Variants in ADK observed in about 807,000 individuals in gnomAD.
The protein encoded by ADK is N6,N6-dimethyladenosine kinase.
In ADK, 24 loss-of-function variants were observed where a neutral mutation model predicts 44.7. That is an observed-to-expected ratio of 0.54 (90% CI 0.39 to 0.76). ADK has a LOEUF of 0.76. ADK is among the 30% of genes least tolerant of loss of function. ADK has a pLI of 0.00. For synonymous variants in ADK, 128 were observed against 142.6 expected (o/e 0.90, Z 0.73); for missense variants, 321 against 425.1 (o/e 0.76, Z 2.15).
intron 2 of ADK, among the ~76,000 whole-genome samples, chr10:74,205,590 CG>C (rs1189570121): frequency 6.9e-6 from 1 of 144,918 alleles, no homozygotes; most frequent in Non-Finnish European, 1.5e-5. Context: ...GCAGGAGAAT[CG>C]GGTGAACCTG....
intron 6 of ADK, among the ~76,000 whole-genome samples, chr10:74,411,926 C>T (rs1844193979): frequency 6.6e-6 from 1 of 152,196 alleles, no homozygotes; most frequent in Non-Finnish European, 1.5e-5. Context: ...GAGTAGATTC[C>T]ATGTCAAGAA....
chr10:74,300,284 TTCCTTCCTTC>T (rs1196605632), intron 3 of ADK, among the ~76,000 whole-genome samples: 3 of 76,538 alleles, frequency 3.9e-5, no homozygotes, highest in African/African-American at 1.6e-4. Flanking sequence ...CCTTCCTTCC[TTCCTTCCTTC>T]CTTCCTTCCT....
intron 3 of ADK, among the ~76,000 whole-genome samples, chr10:74,267,232 C>T (rs1030643132): frequency 1.1e-4 from 16 of 152,096 alleles, no homozygotes; most frequent in South Asian, 4.1e-4. Flanking sequence ...AGTTGGCCCT[C>T]TATATGGGTT....
intron 6 of ADK, among the ~76,000 whole-genome samples, chr10:74,445,305 A>G (rs551086505): frequency 6.6e-6 from 1 of 152,100 alleles, no homozygotes; most frequent in East Asian, 1.9e-4. Context: ...TAATGTTCCT[A>G]TAATTAATTT....
At chr10:74,323,695 C>T (rs186779993) in intron 4 of ADK, among the ~76,000 whole-genome samples, 2,871 of 151,664 alleles carry the variant, frequency 0.019, 96 homozygotes, top group African/African-American at 0.065. Flanking sequence ...CTCAGCCTCC[C>T]GAGTAGCTGG....
rs557710316 is a variant in ADK at position 74,353,824 on chromosome 10, C to T, written c.273+39079C>T. Among the ~76,000 whole-genome samples, 69 of 152,178 alleles carry T rather than the reference C, an allele frequency of 4.5e-4. No individual in the cohort carries two copies. The South Asian group carries it at 7.5e-3, about 16-fold the overall frequency. On this transcript the variant is annotated intron_variant, in intron 4 of 10. Transcript: ENST00000539909. ...TGGAGCTTGCAGTGAGCTGAGATTGCGCCACTGCACTCCAGCTCTGGCGAC... is the reference window on the plus strand; with the variant it reads ...TGGAGCTTGCAGTGAGCTGAGATTGTGCCACTGCACTCCAGCTCTGGCGAC...
chr10:74,673,655 C>A (rs1404819662), intron 10 of ADK, among the ~76,000 whole-genome samples: 2 of 152,202 alleles, frequency 1.3e-5, no homozygotes, highest in African/African-American at 4.8e-5. Context: ...GCATTAACAG[C>A]TCAGTTGAGT....
At chr10:74,337,855 C>T (rs1260818792) in intron 4 of ADK, among the ~76,000 whole-genome samples, 5 of 151,692 alleles carry the variant, frequency 3.3e-5, no homozygotes, top group African/African-American at 4.9e-5. Flanking sequence ...CTCCGCCTCC[C>T]GGGTTCAAGT....
At chr10:74,363,307 A>G (rs1465362378) in intron 4 of ADK, among the ~76,000 whole-genome samples, 1 of 152,008 alleles carries the variant, frequency 6.6e-6, no homozygotes, top group East Asian at 1.9e-4. Context: ...TGTGGGACAG[A>G]GGATTGAGAG....
At chr10:74,523,067 T>G (rs1848902678) in intron 6 of ADK, among the ~76,000 whole-genome samples, 2 of 152,168 alleles carry the variant, frequency 1.3e-5, no homozygotes, top group Admixed American at 1.3e-4. Flanking sequence ...CTTCATCACA[T>G]GTAAGCTGTG....
intron 10 of ADK, among the ~76,000 whole-genome samples, chr10:74,673,464 C>T (rs899171334): frequency 3.9e-5 from 6 of 152,188 alleles, no homozygotes; most frequent in African/African-American, 7.2e-5. Flanking sequence ...CTCCACTGCT[C>T]ACAGGAGGGT....
chr10:74,383,472 C>T (rs868108424), intron 4 of ADK, among the ~76,000 whole-genome samples: 4 of 152,014 alleles, frequency 2.6e-5, no homozygotes, highest in South Asian at 2.1e-4. Context: ...AATTAGCTAT[C>T]CCACGTAAGC....
chr10:74,454,059 T>G (rs1345200098), intron 6 of ADK, among the ~76,000 whole-genome samples: 1 of 152,156 alleles, frequency 6.6e-6, no homozygotes, highest in African/African-American at 2.4e-5. Context: ...TGGACCATTC[T>G]CCAGCAGGTC....
At chr10:74,424,535 C>CAAAAAAAAAAAAAAAAAAAAAAAAAAAA (rs57106986) in intron 6 of ADK, among the ~76,000 whole-genome samples, 3 of 58,460 alleles carry the variant, frequency 5.1e-5, no homozygotes, top group African/African-American at 2.2e-4. Flanking sequence ...AACTCCGTCT[C>CAAAAAAAAAAAAAAAAAAAAAAAAAAAA]AAAAAAAAAA....
chr10:74,451,547 T>C (rs1438439223), intron 6 of ADK, among the ~76,000 whole-genome samples: 1 of 152,152 alleles, frequency 6.6e-6, no homozygotes, highest in Non-Finnish European at 1.5e-5. Context: ...AAATGAAACC[T>C]ATCTTTCTGA....
intron 3 of ADK, among the ~76,000 whole-genome samples, chr10:74,225,462 G>A (rs1844498887): frequency 6.6e-6 from 1 of 152,194 alleles, no homozygotes; most frequent in African/African-American, 2.4e-5. Context: ...TATAGGGACA[G>A]TAATTTTTTT....
intron 4 of ADK, among the ~76,000 whole-genome samples, chr10:74,346,759 A>G (rs1218767472): frequency 1.3e-5 from 2 of 152,142 alleles, no homozygotes; most frequent in African/African-American, 4.8e-5. Context: ...GAATTGAAGA[A>G]GAGAAGCAGT....
chr10:74,456,571 G>A (rs1265434883), intron 6 of ADK, among the ~76,000 whole-genome samples: 13 of 150,930 alleles, frequency 8.6e-5, no homozygotes, highest in Non-Finnish European at 1.3e-4. Flanking sequence ...GGAGGCTGAG[G>A]CAGGAGAATG....
At chr10:74,578,657 T>C (rs1234839255) in intron 7 of ADK, among the ~76,000 whole-genome samples, 1 of 152,088 alleles carries the variant, frequency 6.6e-6, no homozygotes. Context: ...TACATTATGG[T>C]AGAGCCCTCT....
Sources: allele counts gnomAD v4.1 joint callset (sites outside exome capture counted in the v4.1 genomes callset), GRCh38; gene constraint gnomAD v4.1.1; transcripts MANE v1.5; gene names NCBI Gene and HGNC (gene_info 2026-07-23, HGNC 2026-07-21).